The following KCNT2 variants were observed in gnomAD, a reference collection of about 807,000 sequenced individuals.
KCNT2 encodes potassium channel subfamily T member 2.
In KCNT2, 67 loss-of-function variants were observed where a neutral mutation model predicts 153.8. The observed-to-expected ratio is 0.44, with a 90% CI of 0.36 to 0.53. The LOEUF (loss-of-function observed/expected upper bound fraction) is 0.53, where lower values mean the gene tolerates loss of function less well. Among genes scored for constraint, KCNT2 ranks in the 20% least tolerant of loss-of-function variants. The pLI, the probability that KCNT2 is intolerant of heterozygous loss-of-function variation, is 0.00. For synonymous variants in KCNT2, 500 were observed against 458.8 expected (o/e 1.09, Z -1.15); for missense variants, 975 against 1,354.8 (o/e 0.72, Z 4.40).
intron 3 of KCNT2, among the ~76,000 whole-genome samples, chr1:196,485,327 C>A (rs1047484583): frequency 6.6e-5 from 10 of 151,830 alleles, no homozygotes; most frequent in African/African-American, 2.4e-4. Flanking sequence ...GGAAAATGGA[C>A]AAAAATAATA....
At chr1:196,403,278 T>C (rs1185373564) in intron 12 of KCNT2, among the ~76,000 whole-genome samples, 1 of 151,588 alleles carries the variant, frequency 6.6e-6, no homozygotes, top group Admixed American at 6.6e-5. Context: ...AAACCTCAAA[T>C]GCATATTGCT....
At chr1:196,288,141 T>TAAAAAATAA (rs1553272517) in intron 22 of KCNT2, among the ~76,000 whole-genome samples, 4 of 149,964 alleles carry the variant, frequency 2.7e-5, no homozygotes, top group African/African-American at 7.4e-5. Flanking sequence ...AATAAATAAA[T>TAAAAAATAA]AAAAAATAAA....
intron 26 of KCNT2, among the ~76,000 whole-genome samples, chr1:196,243,833 G>C (rs1254518877): frequency 6.6e-6 from 1 of 152,084 alleles, no homozygotes; most frequent in Non-Finnish European, 1.5e-5. Flanking sequence ...GGACTTGATG[G>C]GGCACATGAC....
chr1:196,243,463 T>G (rs1489322616), intron 26 of KCNT2, among the ~76,000 whole-genome samples: 1 of 152,166 alleles, frequency 6.6e-6, no homozygotes, highest in African/African-American at 2.4e-5. Context: ...AAGACCATCT[T>G]GAATTTCCAA....
chr1:196,446,423 A>C lies in KCNT2; in HGVS notation c.639-16666T>G, dbSNP rs370970860. Among the ~76,000 whole-genome samples the C allele has an allele frequency of 1.4e-4, 21 of 151,428 alleles. 1 individual carries two copies. The South Asian group carries it at 4.4e-3, about 31-fold the overall frequency. On this transcript the variant is annotated intron_variant, in intron 8 of 27. Transcript: ENST00000294725. ...TGAAAAGTATGGAGCAAGCTGTGGAACCACAGCTTACTGGTTGGGAATAAC... is the reference window on the plus strand; with the variant it reads ...TGAAAAGTATGGAGCAAGCTGTGGACCCACAGCTTACTGGTTGGGAATAAC...
chr1:196,400,990 C>T (rs74136535), intron 12 of KCNT2, among the ~76,000 whole-genome samples: 4 of 151,698 alleles, frequency 2.6e-5, no homozygotes, highest in Non-Finnish European at 5.9e-5. Context: ...GAACAACAAG[C>T]GAATGGAGCC....
At chr1:196,380,963 CACT>C (rs1399769285) in intron 13 of KCNT2, among the ~76,000 whole-genome samples, 2 of 152,142 alleles carry the variant, frequency 1.3e-5, no homozygotes, top group African/African-American at 4.8e-5. Flanking sequence ...GGCATTCAAC[CACT>C]AAATGGCTAA....
intron 1 of KCNT2, among the ~76,000 whole-genome samples, chr1:196,526,265 A>C (rs1489902555): frequency 6.6e-5 from 10 of 151,534 alleles, no homozygotes; most frequent in Admixed American, 5.9e-4. Context: ...ATATATAAAC[A>C]TACATACAAT....
At chr1:196,375,561 C>A (rs967229173) in intron 13 of KCNT2, among the ~76,000 whole-genome samples, 32 of 151,492 alleles carry the variant, frequency 2.1e-4, no homozygotes, top group African/African-American at 5.1e-4. Flanking sequence ...TTCCCACTGT[C>A]TTCTTGTTTA....
chr1:196,242,082 G>A (rs1476633368), intron 26 of KCNT2, among the ~76,000 whole-genome samples: 2 of 152,130 alleles, frequency 1.3e-5, no homozygotes, highest in East Asian at 3.9e-4. Context: ...CAATCTTCAA[G>A]GCTACTGGGT....
intron 21 of KCNT2, among the ~76,000 whole-genome samples, chr1:196,306,244 C>T (rs1484048296): frequency 6.6e-6 from 1 of 152,030 alleles, no homozygotes; most frequent in African/African-American, 2.4e-5. Flanking sequence ...TTAAAATTCC[C>T]ATCACTAGGT....
chr1:196,327,313 GAA>G (rs954149841), intron 18 of KCNT2, among the ~76,000 whole-genome samples: 2 of 143,498 alleles, frequency 1.4e-5, no homozygotes, highest in African/African-American at 5.1e-5. Context: ...ATAAAACAGT[GAA>G]AAAAAAAACC....
At chr1:196,400,975 T>C (rs1223481197) in intron 12 of KCNT2, among the ~76,000 whole-genome samples, 1 of 151,708 alleles carries the variant, frequency 6.6e-6, no homozygotes, top group Non-Finnish European at 1.5e-5. Flanking sequence ...ACAGAAAACC[T>C]GCCAGAACAA....
chr1:196,308,232 A>G (rs1329957149), intron 21 of KCNT2, among the ~76,000 whole-genome samples: 1 of 151,998 alleles, frequency 6.6e-6, no homozygotes, highest in Admixed American at 6.6e-5. Flanking sequence ...AGAGTTGTCT[A>G]TGTAAGATTA....
intron 13 of KCNT2, among the ~76,000 whole-genome samples, chr1:196,375,998 AT>A (rs1459574989): frequency 2.6e-5 from 4 of 151,902 alleles, no homozygotes; most frequent in Non-Finnish European, 4.4e-5. Context: ...AACTGCTTCT[AT>A]ATCTAGACTT....
At chr1:196,416,277 C>A (rs6678457) in intron 12 of KCNT2, among the ~76,000 whole-genome samples, 40,949 of 151,870 alleles carry the variant, frequency 0.27, 5,925 homozygotes, top group East Asian at 0.34. Flanking sequence ...AAAAAGAAGG[C>A]ATCAAGTGCC....
At chr1:196,426,405 A>T (rs893950340) in intron 10 of KCNT2, among the ~76,000 whole-genome samples, 8 of 152,082 alleles carry the variant, frequency 5.3e-5, no homozygotes, top group Non-Finnish European at 1.0e-4. Context: ...ATAGCGATTT[A>T]TATCATTTAG....
intron 14 of KCNT2, among the ~76,000 whole-genome samples, chr1:196,369,864 T>C (rs1438955631): frequency 2.0e-5 from 3 of 152,094 alleles, no homozygotes; most frequent in East Asian, 1.9e-4. Flanking sequence ...CTGGGTCAAA[T>C]GGTATTTCTA....
chr1:196,546,015 C>A (rs1447950382), intron 1 of KCNT2, among the ~76,000 whole-genome samples: 1 of 151,922 alleles, frequency 6.6e-6, no homozygotes, highest in Non-Finnish European at 1.5e-5. Context: ...TGTATGTTTC[C>A]ATTTCTCTTG....
Sources: allele counts gnomAD v4.1 joint callset (sites outside exome capture counted in the v4.1 genomes callset), GRCh38; gene constraint gnomAD v4.1.1; transcripts MANE v1.5; gene names NCBI Gene and HGNC (gene_info 2026-07-23, HGNC 2026-07-21).